The following KAZN variants were observed in gnomAD, a reference collection of about 807,000 sequenced individuals.
KAZN encodes kazrin, periplakin interacting protein, also known as kazrin.
KAZN carries 40 observed loss-of-function variants against 87.4 expected under a neutral mutation model. That is an observed-to-expected ratio of 0.46 (90% CI 0.36 to 0.60). KAZN has a LOEUF of 0.60. Among genes scored for constraint, KAZN ranks in the 20% least tolerant of loss-of-function variants. KAZN has a pLI of 0.00. For synonymous variants in KAZN, 466 were observed against 458.3 expected (o/e 1.02, Z -0.22); for missense variants, 898 against 1,073.9 (o/e 0.84, Z 2.29).
At position 15,114,073 on chromosome 1, in the gene KAZN, C is replaced by T. The variant is rs1213089301; in HGVS notation, c.2164-398C>T. On this transcript the variant is annotated intron_variant, in intron 14 of 14. Transcript: ENST00000376030. ...ACACCAGGCCGTCTAGAATATTCCT[C>T]CTTGACTTGGGAGTGCAGTCAGACC... 2.4e-5 allele frequency: 4 copies of T among 165,000 alleles called. No individual in the cohort carries two copies. The East Asian group carries it at 6.7e-4, about 28-fold the overall frequency. 10.2% of individuals were successfully genotyped at this position (165,000 alleles called of 1,614,324 possible).
At chr1:14,050,898 C>T (rs1642301443) in intron 1 of KAZN, among the ~76,000 whole-genome samples, 1 of 152,194 alleles carries the variant, frequency 6.6e-6, no homozygotes, top group African/African-American at 2.4e-5. Context: ...AAATCCATAA[C>T]ATGTATTATG....
At chr1:14,524,973 G>A (rs759513588) in intron 2 of KAZN, among the ~76,000 whole-genome samples, 1 of 152,238 alleles carries the variant, frequency 6.6e-6, no homozygotes, top group African/African-American at 2.4e-5. Flanking sequence ...ACCTTGGCTA[G>A]ATGTATTTAA....
chr1:14,659,957 G>T (rs1005020165), intron 1 of KAZN, among the ~76,000 whole-genome samples: 25 of 151,886 alleles, frequency 1.6e-4, no homozygotes, highest in Admixed American at 1.4e-3. Flanking sequence ...CACTAGAAAG[G>T]TTTTTTTCTT....
chr1:15,089,507 C>T (rs1007140182), intron 8 of KAZN, among the ~76,000 whole-genome samples: 2 of 152,138 alleles, frequency 1.3e-5, no homozygotes, highest in African/African-American at 2.4e-5. Flanking sequence ...CTAGGTGTGG[C>T]CAAACAGTGC....
intron 1 of KAZN, among the ~76,000 whole-genome samples, chr1:14,854,083 G>A (rs1486416734): frequency 3.3e-5 from 5 of 152,156 alleles, no homozygotes; most frequent in Non-Finnish European, 7.3e-5. Flanking sequence ...GCCATCAGAG[G>A]ACCAGGGGTC....
rs560131660 is a variant in KAZN, at chr1:14,996,594, G to A, written c.418+35719G>A. Reference sequence around the variant, plus strand: ...GTGGGGAGAAGGCTTATGGCAACGCGTTTCTGCCGCCAGCACCCTCCCACG... The same window carrying A: ...GTGGGGAGAAGGCTTATGGCAACGCATTTCTGCCGCCAGCACCCTCCCACG... On this transcript the variant is annotated intron_variant, in intron 2 of 14. Coordinates refer to ENST00000376030, the MANE Select transcript of KAZN (RefSeq NM_201628.3). The surrounding 1 kb of genome is among the most constrained non-coding windows in gnomAD (Gnocchi z 5.9). Among the ~76,000 whole-genome samples the A allele has an allele frequency of 5.9e-5, 9 of 152,336 alleles. No homozygotes were observed. The highest frequency in any genetic ancestry group is 2.1e-4 in the South Asian group (1 of 4,834).
At chr1:14,540,497 A>C (rs984457886) in intron 2 of KAZN, among the ~76,000 whole-genome samples, 3 of 152,160 alleles carry the variant, frequency 2.0e-5, no homozygotes, top group African/African-American at 7.2e-5. Context: ...CATGGTGAAC[A>C]AGAAAAGATA....
chr1:14,114,856 G>C (rs75550076), intron 1 of KAZN, among the ~76,000 whole-genome samples: 3,167 of 152,250 alleles, frequency 0.021, 50 homozygotes, highest in Middle Eastern at 0.044. Context: ...TGCTGTTACC[G>C]TTCCCATTTA....
chr1:15,055,544 C>A (rs1168274079), intron 4 of KAZN, among the ~76,000 whole-genome samples: 4 of 152,062 alleles, frequency 2.6e-5, no homozygotes, highest in African/African-American at 9.7e-5. Context: ...GGTGGGTAAC[C>A]CCCAGGTTAG....
intron 2 of KAZN, among the ~76,000 whole-genome samples, chr1:15,013,306 C>T (rs948202737): frequency 2.6e-5 from 4 of 152,266 alleles, no homozygotes; most frequent in South Asian, 2.1e-4. Flanking sequence ...TACTCACCCC[C>T]GTTTCGTTTA....
intron 1 of KAZN, among the ~76,000 whole-genome samples, chr1:14,827,041 G>A (rs919666842): frequency 2.0e-5 from 3 of 152,164 alleles, no homozygotes; most frequent in Non-Finnish European, 4.4e-5. Flanking sequence ...GATGATGTGC[G>A]GGAGGCTGCG....
chr1:15,108,230 C>G (rs514370), intron 13 of KAZN, among the ~76,000 whole-genome samples: 1 of 152,050 alleles, frequency 6.6e-6, no homozygotes, highest in Admixed American at 6.5e-5. Flanking sequence ...CTCAGCAGGC[C>G]GCTGGAATGG....
At chr1:14,207,281 T>C (rs1203677552) in intron 2 of KAZN, among the ~76,000 whole-genome samples, 1 of 152,138 alleles carries the variant, frequency 6.6e-6, no homozygotes, top group Non-Finnish European at 1.5e-5. Flanking sequence ...ACATCCTTTT[T>C]TACCATAAAT....
At chr1:14,433,221 A>G (rs1369869919) in intron 2 of KAZN, among the ~76,000 whole-genome samples, 1 of 152,136 alleles carries the variant, frequency 6.6e-6, no homozygotes, top group Non-Finnish European at 1.5e-5. Flanking sequence ...CCCTCTTCCC[A>G]GAAAGTTCCT....
At chr1:14,924,185 G>A (rs1040140275) in intron 1 of KAZN, 48 of 981,944 alleles carry the variant, frequency 4.9e-5, no homozygotes, top group Admixed American at 6.3e-5. Context: ...AGCAGGCGCG[G>A]ACCGCCCGGC....
chr1:14,597,832 T>C (rs1182349764), upstream of KAZN, among the ~76,000 whole-genome samples: 1 of 152,036 alleles, frequency 6.6e-6, no homozygotes, highest in Admixed American at 6.5e-5. Context: ...CAGTGAAAAA[T>C]GCAAAGCCTG....
chr1:14,073,335 T>C (rs970999435), intron 1 of KAZN, among the ~76,000 whole-genome samples: 6 of 152,174 alleles, frequency 3.9e-5, no homozygotes, highest in African/African-American at 1.4e-4. Context: ...CTATGTGGAA[T>C]TGGGAACAGA....
intron 1 of KAZN, among the ~76,000 whole-genome samples, chr1:14,689,753 C>T (rs1361972913): frequency 6.6e-6 from 1 of 152,228 alleles, no homozygotes; most frequent in East Asian, 1.9e-4. Flanking sequence ...CCCTCAGGGG[C>T]TGCTTAGACC....
At chr1:14,662,038 G>A (rs1639209158) in intron 1 of KAZN, among the ~76,000 whole-genome samples, 1 of 152,174 alleles carries the variant, frequency 6.6e-6, no homozygotes, top group Non-Finnish European at 1.5e-5. Flanking sequence ...CTTATACCAT[G>A]AGCCTCAGTC....
Sources: gnomAD v4.1 joint callset for allele counts (sites outside exome capture counted in the v4.1 genomes callset) on GRCh38, gnomAD v4.1.1 for gene constraint, Gnocchi (gnomAD v3.1) non-coding constraint, MANE v1.5 for transcripts, NCBI Gene and HGNC (gene_info 2026-07-23, HGNC 2026-07-21) for gene names.